The following RFX7 variants were observed in gnomAD, a reference collection of about 807,000 sequenced individuals.
RFX7 encodes the protein regulatory factor X7.
Under a neutral mutation model 111.8 loss-of-function variants are expected in RFX7, and 26 were observed. That is an observed-to-expected ratio of 0.23 (90% CI 0.17 to 0.32). RFX7 has a LOEUF of 0.32. Ranked by LOEUF, RFX7 falls within the 10% of genes least tolerant of loss-of-function variation. The pLI is 1.00. For missense variants in RFX7, 1,573 were observed against 1,772.9 expected (o/e 0.89, Z 2.02); for synonymous variants, 624 against 624.4 (o/e 1.00, Z 0.01).
intron 5 of RFX7, among the ~76,000 whole-genome samples, chr15:56,130,826 TAAG>T (rs2042202061): frequency 6.6e-6 from 1 of 151,780 alleles, no homozygotes; most frequent in Non-Finnish European, 1.5e-5. Context: ...AAAAAGCATA[TAAG>T]AAGATACAAA....
At chr15:56,177,260 A>G (rs958435715) in intron 3 of RFX7, among the ~76,000 whole-genome samples, 19 of 152,148 alleles carry the variant, frequency 1.2e-4, no homozygotes, top group Non-Finnish European at 2.1e-4. Context: ...CTCAGAGAAG[A>G]TTCTCAGAGA....
chr15:56,188,093 T>C (rs1243845588), intron 2 of RFX7, among the ~76,000 whole-genome samples: 3 of 152,020 alleles, frequency 2.0e-5, no homozygotes, highest in Admixed American at 6.6e-5. Context: ...AATGTTCGCA[T>C]GGGGAAATCT....
intron 2 of RFX7, among the ~76,000 whole-genome samples, chr15:56,205,755 T>G (rs2043243963): frequency 6.6e-6 from 1 of 152,150 alleles, no homozygotes; most frequent in Non-Finnish European, 1.5e-5. Context: ...GGAAATAAAC[T>G]CACTCAAATA....
In RFX7 at chr15:56,144,413, T is replaced by A. The variant is rs374963109; in HGVS notation, c.266A>T (p.Asn89Ile). ...AGAATAGATATACCTTTTCTCTCCATTGCTGAGACCAGAAGGCAGCTGAAG... is the reference window on the plus strand; with the variant it reads ...AGAATAGATATACCTTTTCTCTCCAATGCTGAGACCAGAAGGCAGCTGAAG... Reference protein sequence around the residue: ...LYLQLPSGLSNGEKSDQNAMS... With the variant: ...LYLQLPSGLSIGEKSDQNAMS... The change falls in exon 4 of 10, where the codon AAT becomes ATT. Residue 89 changes from asparagine to isoleucine, a missense_variant. Physicochemically the swap from Asn to Ile is moderately radical, Grantham distance 149. Coordinates refer to ENST00000559447, the MANE Select transcript of RFX7 (RefSeq NM_022841.7). 3 of 1,362,244 alleles carry A rather than the reference T, an allele frequency of 2.2e-6. No homozygotes were observed. Among genetic ancestry groups the A allele is most frequent in the Non-Finnish European group, 2.9e-6 (3 of 1,017,238 alleles). The allele number at this position is 1,362,244 out of a possible 1,614,324, so 84.4% of individuals were successfully genotyped here. A position where few individuals can be genotyped will look rare whatever the true frequency, so the allele number is the denominator to read the frequency against.
Position 56,094,333 on chromosome 15 carries a change from G to A in RFX7, c.3395C>T (p.Ala1132Val). The A allele has an allele frequency of 6.2e-7, 1 of 1,613,962 alleles. No homozygotes were observed. The highest frequency in any genetic ancestry group is 8.5e-7 in the Non-Finnish European group (1 of 1,179,884). Residue 1132 changes from alanine to valine, a missense_variant, in exon 10 of 10, where the codon GCC becomes GTC. Physicochemically the swap from Ala to Val is moderately conservative, Grantham distance 64. Transcript: ENST00000559447. Reference protein sequence around the residue: ...TPVSPVQHQGATVNNTNKQEG... With the variant: ...TPVSPVQHQGVTVNNTNKQEG... ...CTGTTTGTTGGTGTTATTTACAGTG[G>A]CACCTTGATGCTGCACAGGAGAGAC...
chr15:56,230,456 G>T (rs532638013), intron 2 of RFX7, among the ~76,000 whole-genome samples: 1 of 152,170 alleles, frequency 6.6e-6, no homozygotes, highest in Non-Finnish European at 1.5e-5. Flanking sequence ...TCTGTAAAGT[G>T]TAACATCAGT....
chr15:56,239,559 G>A (rs973788692), intron 2 of RFX7, among the ~76,000 whole-genome samples: 4 of 152,108 alleles, frequency 2.6e-5, no homozygotes, highest in Non-Finnish European at 1.5e-5. Context: ...GAGCCACCGC[G>A]CCTGGCCTAT....
chr15:56,109,108 C>T (rs34383693), intron 5 of RFX7, among the ~76,000 whole-genome samples: 19,832 of 152,212 alleles, frequency 0.13, 1,698 homozygotes, highest in East Asian at 0.45. Context: ...CGAAGCTGGA[C>T]TGTACTGCTG....
At position 56,174,096 on chromosome 15, in the gene RFX7, G is replaced by C. The variant is rs139489571; in HGVS notation, c.195+5174C>G. Among the ~76,000 whole-genome samples the C allele has an allele frequency of 8.3e-3, 1,257 of 152,076 alleles. 10 individuals are homozygous for C. Among genetic ancestry groups the C allele is most frequent in the Non-Finnish European group, 0.011 (739 of 67,972 alleles). ...AGTCCGAGACCAGTCTGGCCAACAT[G>C]GTGAAACCCCGTCTCTACTAAAAAT... is the stretch of plus-strand genomic sequence containing the variant. On this transcript the variant is annotated intron_variant, in intron 3 of 9. Transcript: ENST00000559447.
intron 2 of RFX7, among the ~76,000 whole-genome samples, chr15:56,208,360 T>G (rs1251936911): frequency 1.3e-5 from 2 of 152,122 alleles, no homozygotes; most frequent in African/African-American, 4.8e-5. Context: ...GAAGCACTTG[T>G]GAAGTTTACA....
At chr15:56,239,806 T>C (rs2043666814) in intron 2 of RFX7, among the ~76,000 whole-genome samples, 1 of 152,066 alleles carries the variant, frequency 6.6e-6, no homozygotes, top group African/African-American at 2.4e-5. Context: ...GCAGAAACCA[T>C]CTCAATCCTA....
At chr15:56,146,118 AAG>A (rs1319868265) in intron 3 of RFX7, among the ~76,000 whole-genome samples, 2 of 151,880 alleles carry the variant, frequency 1.3e-5, no homozygotes, top group South Asian at 2.1e-4. Flanking sequence ...TGTTTTTTTT[AAG>A]AGAGTCTCAC....
intron 9 of RFX7, among the ~76,000 whole-genome samples, chr15:56,096,878 A>G (rs1290267073): frequency 1.3e-5 from 2 of 152,226 alleles, no homozygotes; most frequent in African/African-American, 2.4e-5. Flanking sequence ...AAAGCTTCAC[A>G]CCTGTGATGA....
chr15:56,115,275 G>C (rs2041995587), intron 5 of RFX7, among the ~76,000 whole-genome samples: 1 of 152,214 alleles, frequency 6.6e-6, no homozygotes, highest in African/African-American at 2.4e-5. Flanking sequence ...GCCTCCCAAA[G>C]TGCTGGCATT....
chr15:56,106,989 G>A (rs772417288), intron 5 of RFX7, among the ~76,000 whole-genome samples: 6 of 152,020 alleles, frequency 3.9e-5, no homozygotes, highest in Non-Finnish European at 5.9e-5. Flanking sequence ...TTCTGTTTAC[G>A]CGATCACTAA....
chr15:56,106,089 C>T (rs1336687899), intron 5 of RFX7, among the ~76,000 whole-genome samples: 1 of 152,150 alleles, frequency 6.6e-6, no homozygotes, highest in Admixed American at 6.5e-5. Flanking sequence ...GAGATGACTA[C>T]TTTCACATTT....
In RFX7 at chr15:56,243,216, G is replaced by A; in HGVS notation, c.70C>T (p.Pro24Ser). The A allele has an allele frequency of 7.5e-7, 1 of 1,333,564 alleles. No homozygotes were observed. Among genetic ancestry groups the A allele is most frequent in the Middle Eastern group, 2.2e-4 (1 of 4,460 alleles). 82.6% of individuals were successfully genotyped at this position (1,333,564 alleles called of 1,614,324 possible). Residue 24 changes from proline to serine, a missense_variant, in exon 2 of 10, where the codon CCC becomes TCC. Physicochemically the swap from Pro to Ser is moderately conservative, Grantham distance 74. This residue lies in a region of RFX7 where 191 missense variants were observed against 194.2 expected (regional missense o/e 0.98). Coordinates refer to ENST00000559447, the MANE Select transcript of RFX7 (RefSeq NM_022841.7). ...DAHQQLPPSA[P>S]NSGVALPALV... is the part of the protein sequence containing the mutation. ...GCTGGCAGGGCCACCCCCGAGTTGG[G>A]GGCGCTGGGGGGAAGCTGCTGATGG... is the stretch of plus-strand genomic sequence containing the variant.
Position 56,095,423 on chromosome 15 carries a change from T to C in RFX7, c.2305A>G (p.Ser769Gly), listed in dbSNP as rs746355448. 1 of 1,613,126 alleles carries C rather than the reference T, an allele frequency of 6.2e-7. No homozygotes were observed. The highest frequency in any genetic ancestry group is 8.5e-7 in the Non-Finnish European group (1 of 1,179,870). Residue 769 changes from serine to glycine, a missense_variant, in exon 10 of 10, where the codon AGT becomes GGT. Coordinates refer to ENST00000559447, the MANE Select transcript of RFX7 (RefSeq NM_022841.7). ...KLEGSVFLLD[S>G]DSKSVGSFNP... ...AAGCTGCCAACTGACTTTGAATCAC[T>C]GTCCAAGAGAAAGACACTTCCTTCA...
intron 5 of RFX7, among the ~76,000 whole-genome samples, chr15:56,121,765 T>A (rs1206104628): frequency 1.3e-5 from 2 of 152,182 alleles, no homozygotes; most frequent in Non-Finnish European, 2.9e-5. Context: ...AAATAACCTG[T>A]TTCAGGGTCA....
Sources: gnomAD v4.1 joint callset for allele counts (sites outside exome capture counted in the v4.1 genomes callset) on GRCh38, gnomAD v4.1.1 for gene constraint, gnomAD v4.1.1 regional missense constraint, MANE v1.5 for transcripts, NCBI Gene and HGNC (gene_info 2026-07-23, HGNC 2026-07-21) for gene names.